Variants in ARID4A observed in about 807,000 individuals in gnomAD.
ARID4A encodes the protein AT-rich interactive domain-containing protein 4A.
ARID4A carries 39 observed loss-of-function variants against 148.6 expected under a neutral mutation model. The ratio of observed to expected loss-of-function variants is 0.26; its 90% CI spans 0.20 to 0.34. The LOEUF is 0.34. Ranked by LOEUF, ARID4A falls within the 10% of genes least tolerant of loss-of-function variation. ARID4A has a pLI of 1.00. For synonymous variants in ARID4A, 475 were observed against 481.2 expected (o/e 0.99, Z 0.17); for missense variants, 1,265 against 1,449.1 (o/e 0.87, Z 2.06).
At chr14:58,324,081 T>G (rs1187437531) in intron 8 of ARID4A, among the ~76,000 whole-genome samples, 3 of 151,736 alleles carry the variant, frequency 2.0e-5, no homozygotes, top group Non-Finnish European at 4.4e-5. Context: ...ATTTTTTGTA[T>G]TTTTAGTAGA....
chr14:58,303,121 G>T (rs2031319885), intron 3 of ARID4A, among the ~76,000 whole-genome samples: 1 of 151,774 alleles, frequency 6.6e-6, no homozygotes, highest in Non-Finnish European at 1.5e-5. Flanking sequence ...ACATTATAGA[G>T]GTATATCATA....
At chr14:58,336,873 C>CT (rs2033842392) in intron 11 of ARID4A, among the ~76,000 whole-genome samples, 1 of 151,414 alleles carries the variant, frequency 6.6e-6, no homozygotes, top group Admixed American at 6.6e-5. Flanking sequence ...CCAAAGTGGA[C>CT]TTTCTTTTTC....
chr14:58,333,281 G>C (rs2033633401), intron 11 of ARID4A, among the ~76,000 whole-genome samples: 1 of 152,052 alleles, frequency 6.6e-6, no homozygotes, highest in Non-Finnish European at 1.5e-5. Flanking sequence ...TATTAGAAAA[G>C]ATATTACTGG....
Position 58,321,179 on chromosome 14 carries a change from T to C in ARID4A, c.450-2306T>C, listed in dbSNP as rs113581363. 3.9e-3 allele frequency among the ~76,000 whole-genome samples: 592 copies of C among 152,348 alleles called. 3 individuals are homozygous for C. Among genetic ancestry groups the C allele is most frequent in the Non-Finnish European group, 6.0e-3 (408 of 68,032 alleles). ...TTTGTAAAATCTGTGTGGAGATACT[T>C]TGAGACTATTTAAATATTCTAGTCT... On this transcript the variant is annotated intron_variant, in intron 7 of 23. Transcript: ENST00000355431.
At chr14:58,318,515 T>G in intron 5 of ARID4A, 27 bp from the exon 6 acceptor site, 1 of 1,607,414 alleles carries the variant, frequency 6.2e-7, no homozygotes, top group South Asian at 1.1e-5. Flanking sequence ...TGTGCATAAA[T>G]TCTCTGTTAT....
intron 3 of ARID4A, among the ~76,000 whole-genome samples, chr14:58,303,202 A>G (rs1566663308): frequency 6.6e-6 from 1 of 152,198 alleles, no homozygotes; most frequent in African/African-American, 2.4e-5. Flanking sequence ...TTCATGGGCT[A>G]CATAGTCATG....
intron 17 of ARID4A, among the ~76,000 whole-genome samples, chr14:58,354,894 T>C (rs2140249628): frequency 6.6e-6 from 1 of 152,298 alleles, no homozygotes; most frequent in East Asian, 1.9e-4. Context: ...GATTAGACAA[T>C]GTTCCTGTTT....
intron 11 of ARID4A, among the ~76,000 whole-genome samples, chr14:58,344,304 T>A (rs1401324764): frequency 6.6e-6 from 1 of 152,110 alleles, no homozygotes; most frequent in East Asian, 1.9e-4. Flanking sequence ...TATATAAATA[T>A]ATGATATAAT....
chr14:58,308,964 A>G (rs183008575), intron 5 of ARID4A, among the ~76,000 whole-genome samples: 30 of 152,338 alleles, frequency 2.0e-4, no homozygotes. Context: ...TTATCATTAG[A>G]GTCAGTGATA....
Position 58,365,027 on chromosome 14 carries a change from G to A in ARID4A, c.2938G>A (p.Val980Ile). The A allele has an allele frequency of 6.2e-7, 1 of 1,614,168 alleles. No individual in the cohort carries two copies. The highest frequency in any genetic ancestry group is 8.5e-7 in the Non-Finnish European group (1 of 1,180,018). ...KDKTSIEDVA[V>I]ESSESNSLVS... ...TAAGACCAGCATTGAGGATGTAGCA[G>A]TTGAAAGCTCTGAGTCTAACTCTCT... is the stretch of plus-strand genomic sequence containing the variant. The change falls in exon 20 of 24, where the codon GTT (valine) becomes ATT (isoleucine). Residue 980 changes from valine to isoleucine, a missense_variant. Physicochemically the swap from Val to Ile is conservative, Grantham distance 29 (BLOSUM62 3). This residue lies in a region of ARID4A where 666 missense variants were observed against 730.9 expected (regional missense o/e 0.91). Transcript: ENST00000355431.
chr14:58,367,074 T>A (rs745340624), intron 23 of ARID4A, 45 bp downstream of exon 23: 3 of 1,328,990 alleles, frequency 2.3e-6, no homozygotes, highest in Non-Finnish European at 9.9e-7. Context: ...CAAAACTATA[T>A]CCTATCATTT....
In ARID4A at chr14:58,330,033, C is replaced by G. The variant is rs1422982006; in HGVS notation, c.770C>G (p.Thr257Ser). 1 of 1,610,342 alleles carries G rather than the reference C, an allele frequency of 6.2e-7. No individual in the cohort carries two copies. The highest frequency in any genetic ancestry group is 8.5e-7 in the Non-Finnish European group (1 of 1,179,146). Residue 257 changes from threonine (T) to serine (S), a missense_variant, in exon 11 of 24, where the codon ACT (threonine) becomes AGT (serine). Thr to Ser is a moderately conservative substitution (Grantham distance 58). Coordinates refer to ENST00000355431, the MANE Select transcript of ARID4A (RefSeq NM_002892.4). ...GLQKASIFLK[T>S]RVVPDNWKMD... Reference sequence around the variant, plus strand: ...CAGAAAGCAAGCATCTTCTTAAAAACTAGAGTTGTTCCTGATAATTGGAAA... The same window carrying G: ...CAGAAAGCAAGCATCTTCTTAAAAAGTAGAGTTGTTCCTGATAATTGGAAA...
intron 16 of ARID4A, 107 bp downstream of exon 16, chr14:58,351,430 T>TC: frequency 1.4e-6 from 2 of 1,403,620 alleles, no homozygotes; most frequent in Non-Finnish European, 1.9e-6. Context: ...TATTGGGACT[T>TC]CCGTTCCTCT....
In ARID4A at chr14:58,373,248, T is replaced by G. The variant is rs192773430; in HGVS notation, c.*1259T>G. 5.1e-6 allele frequency: 1 copy of G among 197,574 alleles called. No homozygotes were observed. The highest frequency in any genetic ancestry group is 1.1e-5 in the Non-Finnish European group (1 of 95,046). 12.2% of individuals were successfully genotyped at this position (197,574 alleles called of 1,614,324 possible). ...ATGCAACAACTAAGTAAAGCAACTATGTATGCTTTGTCTGTGAATTGTTCC... is the reference window on the plus strand; with the variant it reads ...ATGCAACAACTAAGTAAAGCAACTAGGTATGCTTTGTCTGTGAATTGTTCC... On this transcript the variant is annotated 3_prime_UTR_variant, in exon 24 of 24. Transcript: ENST00000355431.
chr14:58,340,499 A>G (rs1009451598), intron 11 of ARID4A, among the ~76,000 whole-genome samples: 1 of 152,032 alleles, frequency 6.6e-6, no homozygotes, highest in African/African-American at 2.4e-5. Flanking sequence ...ACAGGCGCAC[A>G]ACGCCACGCC....
chr14:58,365,391 T>G (rs1345071788), intron 20 of ARID4A, 91 bp downstream of exon 20: 1 of 1,452,706 alleles, frequency 6.9e-7, no homozygotes, highest in East Asian at 2.3e-5. Flanking sequence ...TAAAGTACTT[T>G]CTTTTTCTTT....
intron 14 of ARID4A, 111 bp downstream of exon 14, chr14:58,347,228 T>C: frequency 3.5e-6 from 2 of 570,318 alleles, no homozygotes; most frequent in Non-Finnish European, 5.5e-6. Flanking sequence ...AGAGAAAGTA[T>C]ATAAAAAGGT....
chr14:58,349,102 TAC>T (rs1011599966), intron 15 of ARID4A, among the ~76,000 whole-genome samples: 1 of 152,204 alleles, frequency 6.6e-6, no homozygotes, highest in Admixed American at 6.5e-5. Flanking sequence ...AGTGAAATCA[TAC>T]AGTGTTTGTC....
At chr14:58,336,484 G>A (rs376015965) in intron 11 of ARID4A, among the ~76,000 whole-genome samples, 2 of 152,164 alleles carry the variant, frequency 1.3e-5, no homozygotes, top group Non-Finnish European at 2.9e-5. Flanking sequence ...TAAGTTAAAC[G>A]TGAAGTTTAA....
Sources: allele counts gnomAD v4.1 joint callset (sites outside exome capture counted in the v4.1 genomes callset), GRCh38; gene constraint gnomAD v4.1.1; regional missense constraint gnomAD v4.1.1; transcripts MANE v1.5; gene names NCBI Gene and HGNC (gene_info 2026-07-23, HGNC 2026-07-21).